Variants in CREB5 observed in about 807,000 individuals in gnomAD.
CREB5 encodes the protein cyclic AMP-responsive element-binding protein 5.
Under a neutral mutation model 57.1 loss-of-function variants are expected in CREB5, and 19 were observed. The ratio of observed to expected loss-of-function variants is 0.33; its 90% CI spans 0.23 to 0.49. The LOEUF (loss-of-function observed/expected upper bound fraction) is 0.49. Ranked by LOEUF, CREB5 falls within the 20% of genes least tolerant of loss-of-function variation. The probability of loss-of-function intolerance (pLI) is 0.99; values close to 1 mark genes in which losing one functional copy is unlikely to be tolerated. For missense variants in CREB5, 579 were observed against 671.6 expected (o/e 0.86, Z 1.52); for synonymous variants, 238 against 238.3 (o/e 1.00, Z 0.01).
intron 1 of CREB5, among the ~76,000 whole-genome samples, chr7:28,380,982 C>T (rs1467159045): frequency 6.6e-6 from 1 of 152,144 alleles, no homozygotes; most frequent in Non-Finnish European, 1.5e-5. Flanking sequence ...GTGAATTTTT[C>T]AGAACTAGGG....
chr7:28,793,761 A>G (rs1807866640), intron 7 of CREB5, among the ~76,000 whole-genome samples: 1 of 152,208 alleles, frequency 6.6e-6, no homozygotes, highest in Non-Finnish European at 1.5e-5. Flanking sequence ...CTCCTGCAGC[A>G]CACACTGCAA....
chr7:28,395,350 C>A (rs1787313607), intron 1 of CREB5, among the ~76,000 whole-genome samples: 1 of 152,190 alleles, frequency 6.6e-6, no homozygotes, highest in Non-Finnish European at 1.5e-5. Flanking sequence ...TTTATACAAT[C>A]CTCATTCCAG....
intron 5 of CREB5, among the ~76,000 whole-genome samples, chr7:28,673,246 G>A (rs1583519610): frequency 1.3e-5 from 2 of 152,142 alleles, no homozygotes; most frequent in South Asian, 2.1e-4. Flanking sequence ...GGCCTTTTGG[G>A]TCTAACACAA....
chr7:28,756,203 G>C (rs1433263125), intron 7 of CREB5, among the ~76,000 whole-genome samples: 1 of 152,020 alleles, frequency 6.6e-6, no homozygotes, highest in Non-Finnish European at 1.5e-5. Flanking sequence ...AAGTGTCGAG[G>C]AAGGCAAGTC....
intron 7 of CREB5, among the ~76,000 whole-genome samples, chr7:28,800,084 T>A (rs576786863): frequency 2.0e-5 from 3 of 152,232 alleles, no homozygotes; most frequent in African/African-American, 7.2e-5. Context: ...GCTTACAATC[T>A]GAGATGGTTG....
At chr7:28,657,663 G>C (rs1313881975) in intron 5 of CREB5, among the ~76,000 whole-genome samples, 1 of 148,542 alleles carries the variant, frequency 6.7e-6, no homozygotes. Context: ...GTTGCAGTGA[G>C]CGGAGATCGT....
chr7:28,378,675 C>T (rs934240108), intron 1 of CREB5, among the ~76,000 whole-genome samples: 4 of 152,192 alleles, frequency 2.6e-5, no homozygotes, highest in African/African-American at 9.6e-5. Flanking sequence ...TCATCCATCA[C>T]TAATTGAAAT....
At position 28,586,186 on chromosome 7, in the gene CREB5, G is replaced by C. The variant is rs74600286; in HGVS notation, c.464+15649G>C. On this transcript the variant is annotated intron_variant, in intron 5 of 10. Transcript: ENST00000357727. ...CCTCCAAAAGCCCATGCTCCTTGTG[G>C]TCCTCACTGTCACGGGCCAGAAATC... Among the ~76,000 whole-genome samples, 917 of 152,238 alleles carry C rather than the reference G, an allele frequency of 6.0e-3. 10 individuals are homozygous for C. The highest frequency in any genetic ancestry group is 0.021 in the African/African-American group (879 of 41,540).
chr7:28,543,578 T>TAAAAAA (rs34533813), intron 4 of CREB5, among the ~76,000 whole-genome samples: 1 of 92,314 alleles, frequency 1.1e-5, no homozygotes, highest in Non-Finnish European at 2.2e-5. Context: ...TCATTTTAGG[T>TAAAAAA]AAAAAAAAAA....
intron 7 of CREB5, among the ~76,000 whole-genome samples, chr7:28,775,561 TA>T: frequency 1.3e-5 from 2 of 148,682 alleles, no homozygotes; most frequent in Non-Finnish European, 3.0e-5. Flanking sequence ...TATATATATA[TA>T]TATTAGCGTA....
intron 7 of CREB5, among the ~76,000 whole-genome samples, chr7:28,750,613 TAG>T (rs1804929855): frequency 6.6e-6 from 1 of 152,120 alleles, no homozygotes; most frequent in Non-Finnish European, 1.5e-5. Context: ...CTTTTTTTAT[TAG>T]AGTCAGAGAT....
chr7:28,768,353 G>A (rs1260725555), intron 7 of CREB5, among the ~76,000 whole-genome samples: 3 of 152,200 alleles, frequency 2.0e-5, no homozygotes, highest in Non-Finnish European at 4.4e-5. Context: ...ATGTGGAAGT[G>A]AGATGAAGTT....
chr7:28,787,621 C>T (rs1445188893), intron 7 of CREB5, among the ~76,000 whole-genome samples: 2 of 152,320 alleles, frequency 1.3e-5, no homozygotes, highest in East Asian at 3.9e-4. Context: ...GGCTAAAGCG[C>T]AGGCTGCACT....
chr7:28,628,869 G>A (rs1272957349), intron 5 of CREB5, among the ~76,000 whole-genome samples: 1 of 152,186 alleles, frequency 6.6e-6, no homozygotes. Flanking sequence ...TAGCTGGGGG[G>A]AGAAAAGATT....
chr7:28,394,969 A>G (rs970646632), intron 1 of CREB5, among the ~76,000 whole-genome samples: 1 of 152,150 alleles, frequency 6.6e-6, no homozygotes, highest in Non-Finnish European at 1.5e-5. Flanking sequence ...ATGTTCATCA[A>G]ACTATCTTCC....
intron 1 of CREB5, among the ~76,000 whole-genome samples, chr7:28,383,278 GA>G (rs907965735): frequency 2.0e-5 from 3 of 152,128 alleles, no homozygotes; most frequent in Non-Finnish European, 4.4e-5. Context: ...ATCAAAGGGA[GA>G]AAAAATGTGA....
chr7:28,523,899 T>C (rs1244646834), intron 4 of CREB5, among the ~76,000 whole-genome samples: 1 of 152,118 alleles, frequency 6.6e-6, no homozygotes, highest in African/African-American at 2.4e-5. Flanking sequence ...CCTCCTACCT[T>C]GTGTTTTGAT....
chr7:28,440,515 T>C (rs1172308871), intron 1 of CREB5, among the ~76,000 whole-genome samples: 2 of 152,168 alleles, frequency 1.3e-5, no homozygotes, highest in African/African-American at 4.8e-5. Context: ...CCCAGGCCAG[T>C]CCTGCCCTGG....
At chr7:28,444,195 T>C (rs1380100596) in intron 1 of CREB5, among the ~76,000 whole-genome samples, 1 of 152,168 alleles carries the variant, frequency 6.6e-6, no homozygotes, top group Non-Finnish European at 1.5e-5. Context: ...TCATGCTAGT[T>C]TGTGGGAGTC....
Sources: gnomAD v4.1 joint callset for allele counts (sites outside exome capture counted in the v4.1 genomes callset) on GRCh38, gnomAD v4.1.1 for gene constraint, MANE v1.5 for transcripts, NCBI Gene and HGNC (gene_info 2026-07-23, HGNC 2026-07-21) for gene names.